The following CACNA1E variants were observed in gnomAD, a reference collection of about 807,000 sequenced individuals.
The protein encoded by CACNA1E is voltage-dependent R-type calcium channel subunit alpha-1E.
A neutral mutation model predicts 259.2 loss-of-function variants in CACNA1E; 40 were observed. The ratio of observed to expected loss-of-function variants is 0.15; its 90% CI spans 0.12 to 0.20. The LOEUF (loss-of-function observed/expected upper bound fraction) is 0.20, where lower values mean the gene tolerates loss of function less well. Among genes scored for constraint, CACNA1E ranks in the 10% least tolerant of loss-of-function variants. The probability of loss-of-function intolerance (pLI) is 1.00; values close to 1 mark genes in which losing one functional copy is unlikely to be tolerated. For missense variants in CACNA1E, 1,874 were observed against 3,040.1 expected (o/e 0.62, Z 9.02); for synonymous variants, 1,104 against 1,138.5 (o/e 0.97, Z 0.61).
chr1:181,652,655 G>A (rs115225283), intron 7 of CACNA1E, among the ~76,000 whole-genome samples: 52 of 152,262 alleles, frequency 3.4e-4, no homozygotes, highest in African/African-American at 1.2e-3. Context: ...AGCTGGGGTA[G>A]GCGTGGTGCT....
intron 1 of CACNA1E, among the ~76,000 whole-genome samples, chr1:181,388,302 G>A (rs1302411619): frequency 6.6e-6 from 1 of 152,240 alleles, no homozygotes; most frequent in Non-Finnish European, 1.5e-5. Context: ...AGCCAATGCT[G>A]AGCCATTGCT....
At chr1:181,545,226 T>C (rs1647318433) in intron 3 of CACNA1E, among the ~76,000 whole-genome samples, 2 of 152,240 alleles carry the variant, frequency 1.3e-5, no homozygotes, top group Non-Finnish European at 1.5e-5. Flanking sequence ...GCCTTGCCTG[T>C]GTCTGAAATG....
chr1:181,379,901 A>G (rs955811866), intron 1 of CACNA1E, among the ~76,000 whole-genome samples: 22 of 151,454 alleles, frequency 1.5e-4, no homozygotes, highest in African/African-American at 5.1e-4. Flanking sequence ...TTTCTTTTGG[A>G]AACAATGCAA....
intron 15 of CACNA1E, among the ~76,000 whole-genome samples, chr1:181,721,114 A>T (rs985169165): frequency 2.0e-5 from 3 of 152,186 alleles, no homozygotes; most frequent in Non-Finnish European, 2.9e-5. Flanking sequence ...TGCAGGAGAC[A>T]CTGAGTCTGA....
chr1:181,428,472 CGCTTGCAAGAG>C (rs1557997604), intron 2 of CACNA1E, among the ~76,000 whole-genome samples: 2 of 152,066 alleles, frequency 1.3e-5, no homozygotes, highest in African/African-American at 4.8e-5. Flanking sequence ...GGTGGAGGGG[CGCTTGCAAGAG>C]GCTTGTGAAT....
intron 2 of CACNA1E, among the ~76,000 whole-genome samples, chr1:181,427,195 C>G (rs1659345717): frequency 6.6e-6 from 1 of 151,720 alleles, no homozygotes. Context: ...CACCCTCTCC[C>G]CATCTCAAGC....
chr1:181,671,575 C>T (rs1182042077), intron 7 of CACNA1E, among the ~76,000 whole-genome samples: 2 of 152,160 alleles, frequency 1.3e-5, no homozygotes, highest in Non-Finnish European at 2.9e-5. Flanking sequence ...CTACAGCCTG[C>T]ATTGATCTGA....
At chr1:181,750,780 A>ACAT (rs1657524344) in intron 26 of CACNA1E, among the ~76,000 whole-genome samples, 2 of 152,238 alleles carry the variant, frequency 1.3e-5, no homozygotes, top group Admixed American at 1.3e-4. Context: ...GCTAAAGACC[A>ACAT]CATCAGTGCA....
intron 18 of CACNA1E, among the ~76,000 whole-genome samples, chr1:181,729,523 A>T (rs1220136753): frequency 1.3e-5 from 2 of 152,356 alleles, no homozygotes; most frequent in East Asian, 3.9e-4. Flanking sequence ...TGTCTCACTA[A>T]TATACCCTGT....
rs1342475519 is a variant in CACNA1E, at chr1:181,619,770, G to A, written c.952-31568G>A. On this transcript the variant is annotated intron_variant, in intron 6 of 47. Coordinates refer to ENST00000367573, the MANE Select transcript of CACNA1E (RefSeq NM_001205293.3). Reference sequence around the variant, plus strand: ...TTGATGAACCTGACATGGGATATGCGAGACAAAGGGGGAGGGTCATGATTA... The same window carrying A: ...TTGATGAACCTGACATGGGATATGCAAGACAAAGGGGGAGGGTCATGATTA... Among the ~76,000 whole-genome samples the A allele has an allele frequency of 2.6e-5, 4 of 152,128 alleles. No individual in the cohort carries two copies. The South Asian group carries it at 6.2e-4, about 24-fold the overall frequency.
chr1:181,545,796 T>C (rs964899499), intron 3 of CACNA1E, among the ~76,000 whole-genome samples: 12 of 152,192 alleles, frequency 7.9e-5, no homozygotes, highest in African/African-American at 2.7e-4. Flanking sequence ...TTCATGTCCC[T>C]CTGTCTCCAG....
intron 38 of CACNA1E, chr1:181,779,614 AC>A: frequency 3.1e-6 from 1 of 325,260 alleles, no homozygotes; most frequent in South Asian, 2.5e-5. Context: ...CCTCTGCTCC[AC>A]CACCACTGCG....
In CACNA1E at chr1:181,798,397, C is replaced by T. The variant is rs1459546970; in HGVS notation, c.6505C>T (p.Leu2169Phe). Residue 2169 changes from leucine (L) to phenylalanine (F), a missense_variant, in exon 48 of 48, where the codon CTC becomes TTC. Around this residue, in one of 14 missense-constraint regions of CACNA1E, gnomAD observed 542 missense variants for 587.2 expected, o/e 0.92. Transcript: ENST00000367573. The surrounding 1 kb of genome is among the most constrained non-coding windows in gnomAD (Gnocchi z 4.2). ...ACCCGTCCCGCCAAAGCCCCGGCCC[C>T]TCCTTTCCTACAGCTCCCTGATTCG... ...LPPVPPKPRPLLSYSSLIRHA... is the reference protein window; with the variant it reads ...LPPVPPKPRPFLSYSSLIRHA... 1 of 1,613,598 alleles carries T rather than the reference C, an allele frequency of 6.2e-7. No individual in the cohort carries two copies. Among genetic ancestry groups the T allele is most frequent in the South Asian group, 1.1e-5 (1 of 91,082 alleles).
intron 39 of CACNA1E, among the ~76,000 whole-genome samples, chr1:181,782,256 G>T (rs907630398): frequency 3.3e-5 from 5 of 152,224 alleles, no homozygotes; most frequent in Non-Finnish European, 7.4e-5. Flanking sequence ...TAGTTATGGG[G>T]CCTGGCCCCA....
chr1:181,347,819 CCTAT>C (rs1370587994), intron 1 of CACNA1E, among the ~76,000 whole-genome samples: 1 of 152,220 alleles, frequency 6.6e-6, no homozygotes, highest in Non-Finnish European at 1.5e-5. Context: ...AGTGTTGTGC[CCTAT>C]CAGGCTTCTG....
intron 6 of CACNA1E, among the ~76,000 whole-genome samples, chr1:181,594,939 G>A (rs1287204171): frequency 6.6e-6 from 1 of 152,218 alleles, no homozygotes; most frequent in Admixed American, 6.5e-5. Flanking sequence ...TTCATGTTAG[G>A]AAGATTTCTA....
At chr1:181,465,877 T>C (rs1266627709) in intron 2 of CACNA1E, among the ~76,000 whole-genome samples, 2 of 152,114 alleles carry the variant, frequency 1.3e-5, no homozygotes, top group Non-Finnish European at 2.9e-5. Context: ...GTTTTCCCCA[T>C]GGAAATGCAG....
chr1:181,606,838 G>C (rs992832054), intron 6 of CACNA1E, among the ~76,000 whole-genome samples: 1 of 152,122 alleles, frequency 6.6e-6, no homozygotes, highest in Non-Finnish European at 1.5e-5. Context: ...TTCTTCCTTC[G>C]GCGGCCCCTC....
At chr1:181,357,500 C>G (rs1653541395) in intron 1 of CACNA1E, among the ~76,000 whole-genome samples, 1 of 152,174 alleles carries the variant, frequency 6.6e-6, no homozygotes, top group Admixed American at 6.5e-5. Context: ...GACTCCTGTT[C>G]TTGTTTCCCT....
Sources: gnomAD v4.1 joint callset for allele counts (sites outside exome capture counted in the v4.1 genomes callset) on GRCh38, gnomAD v4.1.1 for gene constraint, gnomAD v4.1.1 regional missense constraint, Gnocchi (gnomAD v3.1) non-coding constraint, MANE v1.5 for transcripts, NCBI Gene and HGNC (gene_info 2026-07-23, HGNC 2026-07-21) for gene names.